CPLANE1: variants seen among roughly 807,000 people sequenced by gnomAD.
CPLANE1 encodes ciliogenesis and planar polarity effector 1.
CPLANE1 carries 263 observed loss-of-function variants against 362.5 expected under a neutral mutation model. The observed-to-expected ratio is 0.73, with a 90% CI of 0.66 to 0.80. The LOEUF is 0.80. Ranked by LOEUF, CPLANE1 falls within the 30% of genes least tolerant of loss-of-function variation. The probability of loss-of-function intolerance (pLI) is 0.00; values close to 1 mark genes in which losing one functional copy is unlikely to be tolerated. For synonymous variants in CPLANE1, 1,212 were observed against 1,302.6 expected (o/e 0.93, Z 1.50); for missense variants, 3,461 against 3,793.4 (o/e 0.91, Z 2.30).
intron 20 of CPLANE1, among the ~76,000 whole-genome samples, chr5:37,196,485 G>A (rs751161020): frequency 3.9e-5 from 6 of 152,144 alleles, no homozygotes; most frequent in Non-Finnish European, 5.9e-5. Context: ...TGCTAACAGA[G>A]TAAAAAGCTG....
chr5:37,113,111 G>A (rs1034978138), intron 51 of CPLANE1, among the ~76,000 whole-genome samples: 1 of 152,198 alleles, frequency 6.6e-6, no homozygotes, highest in Non-Finnish European at 1.5e-5. Context: ...GTCTTTGAAA[G>A]AGAGAAAAGC....
chr5:37,085,605 T>A, the CPLANE1 span: 10 of 915,864 alleles, frequency 1.1e-5, no homozygotes, highest in African/African-American at 1.6e-4. Context: ...AACCTGTGTA[T>A]GGTGACTGGA....
rs183888874 is a variant in CPLANE1 at position 37,199,671 on chromosome 5, T to C, written c.3508-805A>G. On this transcript the variant is annotated intron_variant, in intron 19 of 52. Transcript: ENST00000651892. ...AGCTAAAGATTATTTTCCCAGATAA[T>C]GAGATAATGTGAGCATTGTAAACAT... 2.0e-5 allele frequency among the ~76,000 whole-genome samples: 3 copies of C among 152,330 alleles called. No homozygotes were observed. In the East Asian group the frequency reaches 5.8e-4, roughly 29 times the overall value.
At chr5:37,235,048 G>A (rs1798645019) in intron 8 of CPLANE1, among the ~76,000 whole-genome samples, 1 of 152,082 alleles carries the variant, frequency 6.6e-6, no homozygotes, top group East Asian at 1.9e-4. Flanking sequence ...ACTCTTCACT[G>A]ACAATATAAT....
At chr5:37,227,437 T>C (rs1463683891) in intron 10 of CPLANE1, 45 bp from the exon 11 acceptor site, 1 of 1,504,032 alleles carries the variant, frequency 6.6e-7, no homozygotes. Flanking sequence ...AAATGTTATC[T>C]GTAATTCTAT....
chr5:37,154,026 T>C (rs748078685), intron 41 of CPLANE1, 33 bp from the exon 42 acceptor site: 1 of 1,549,586 alleles, frequency 6.5e-7, no homozygotes, highest in Non-Finnish European at 8.7e-7. Flanking sequence ...GCAGAATTGA[T>C]TATAATTAAA....
At chr5:37,231,110 A>AAAATGGGCTGTACC (rs1253575787) in intron 8 of CPLANE1, 61 bp from the exon 9 acceptor site, 2 of 1,269,724 alleles carry the variant, frequency 1.6e-6, no homozygotes. Flanking sequence ...ATGACGATTT[A>AAAATGGGCTGTACC]AAATGGGCTG....
intron 21 of CPLANE1, among the ~76,000 whole-genome samples, chr5:37,194,736 C>A (rs1786763557): frequency 6.6e-6 from 1 of 150,682 alleles, no homozygotes; most frequent in Non-Finnish European, 1.5e-5. Flanking sequence ...CAGGTACAAT[C>A]ATTGCACACA....
intron 39 of CPLANE1, 101 bp from the exon 40 acceptor site, chr5:37,157,969 T>C (rs1050822371): frequency 1.2e-6 from 1 of 832,960 alleles, no homozygotes; most frequent in Non-Finnish European, 1.8e-6. Context: ...GGCTTAATTC[T>C]TCATTCTTAT....
chr5:37,158,054 G>C (rs567385465), intron 39 of CPLANE1, 170 bp downstream of exon 39: 2 of 823,228 alleles, frequency 2.4e-6, no homozygotes. Context: ...ATTGGTCTTA[G>C]TTTATAATAT....
At chr5:37,170,565 C>T (rs1779515530) in intron 32 of CPLANE1, among the ~76,000 whole-genome samples, 4 of 151,666 alleles carry the variant, frequency 2.6e-5, no homozygotes, top group Admixed American at 2.0e-4. Flanking sequence ...GCGAATGAAA[C>T]TTGGAACTAT....
chr5:37,192,304 A>G (rs569002750), intron 21 of CPLANE1, among the ~76,000 whole-genome samples: 2 of 152,236 alleles, frequency 1.3e-5, no homozygotes, highest in South Asian at 4.1e-4. Flanking sequence ...TCACAGGTGC[A>G]ATCATTGCAT....
chr5:37,128,406 C>T (rs912816725), intron 46 of CPLANE1, among the ~76,000 whole-genome samples: 6 of 152,156 alleles, frequency 3.9e-5, no homozygotes, highest in Non-Finnish European at 8.8e-5. Context: ...ATCTTAAAGC[C>T]CTGTGCTGCG....
At chr5:37,195,009 G>C (rs1293646949) in intron 21 of CPLANE1, among the ~76,000 whole-genome samples, 1 of 151,906 alleles carries the variant, frequency 6.6e-6, no homozygotes, top group African/African-American at 2.4e-5. Context: ...AAAAAAATTA[G>C]CCGGGCACGG....
At chr5:37,141,724 A>AC (rs1241192822) in intron 44 of CPLANE1, 1 of 983,504 alleles carries the variant, frequency 1.0e-6, no homozygotes, top group African/African-American at 1.7e-5. Flanking sequence ...TGATGTATTT[A>AC]CTATGTTCTA....
At chr5:37,117,054 T>C (rs1026008168) in intron 50 of CPLANE1, among the ~76,000 whole-genome samples, 1 of 152,214 alleles carries the variant, frequency 6.6e-6, no homozygotes, top group Non-Finnish European at 1.5e-5. Context: ...CTGCCTCTTT[T>C]ATCTTTGCCT....
Position 37,180,954 on chromosome 5 carries a change from C to G in CPLANE1, c.5473G>C (p.Glu1825Gln). The change falls in exon 27 of 53, where the codon GAG (glutamate) becomes CAG (glutamine). Residue 1825 changes from glutamate (E) to glutamine (Q), a missense_variant. Physicochemically the swap from Glu to Gln is conservative, Grantham distance 29. Transcript: ENST00000651892. The stretch of plus-strand genomic sequence containing the variant: ...GAACCGCCAGCATCTGATTTGCTCT[C>G]CCTCTCAATATTGGGTCCAATCTGA... The part of the protein sequence containing the change: ...GCQIGPNIER[E>Q]SKSDAGGSVA... The G allele has an allele frequency of 6.2e-7, 1 of 1,614,020 alleles. No individual in the cohort carries two copies. Among genetic ancestry groups the G allele is most frequent in the Non-Finnish European group, 8.5e-7 (1 of 1,179,934 alleles).
intron 45 of CPLANE1, among the ~76,000 whole-genome samples, chr5:37,139,103 AT>A (rs1768807727): frequency 6.6e-6 from 1 of 152,160 alleles, no homozygotes; most frequent in South Asian, 2.1e-4. Context: ...TTTAATCCAT[AT>A]TTATATAAGA....
At chr5:37,111,937 A>G (rs1166816972) in intron 51 of CPLANE1, among the ~76,000 whole-genome samples, 1 of 152,188 alleles carries the variant, frequency 6.6e-6, no homozygotes, top group Admixed American at 6.5e-5. Context: ...AGACTGAAAG[A>G]GAAACCAATG....
Sources: gnomAD v4.1 joint callset for allele counts (sites outside exome capture counted in the v4.1 genomes callset) on GRCh38, gnomAD v4.1.1 for gene constraint, MANE v1.5 for transcripts, NCBI Gene and HGNC (gene_info 2026-07-23, HGNC 2026-07-21) for gene names.